SLC4A8: variants seen among roughly 807,000 people sequenced by gnomAD.
SLC4A8 encodes the protein solute carrier family 4 member 8.
Under a neutral mutation model 125.0 loss-of-function variants are expected in SLC4A8, and 40 were observed. The observed-to-expected ratio is 0.32, with a 90% CI of 0.25 to 0.42. The LOEUF (loss-of-function observed/expected upper bound fraction) is 0.42. SLC4A8 is among the 10% of genes least tolerant of loss of function. The pLI is 1.00. For synonymous variants in SLC4A8, 456 were observed against 476.0 expected (o/e 0.96, Z 0.55); for missense variants, 863 against 1,355.1 (o/e 0.64, Z 5.70).
intron 1 of SLC4A8, 89 bp downstream of exon 1, chr12:51,425,124 C>T: frequency 6.8e-7 from 1 of 1,479,156 alleles, no homozygotes. Flanking sequence ...GCCCCCGAGC[C>T]CAGGCTTCCC....
chr12:51,417,507 C>A (rs569433184), intron 1 of SLC4A8, among the ~76,000 whole-genome samples: 12 of 151,834 alleles, frequency 7.9e-5, no homozygotes, highest in African/African-American at 2.9e-4. Flanking sequence ...CCACCATGCC[C>A]AGCTAATTTT....
rs377322606 is a variant in SLC4A8, at chr12:51,494,896, C to A, written c.2770-49C>A. 6 of 1,544,714 alleles carry A rather than the reference C, an allele frequency of 3.9e-6. No homozygotes were observed. The African/African-American group carries it at 6.8e-5, about 18-fold the overall frequency. ...GATATGAATTGGTCTAACAAAGCTT[C>A]TGACCCAGAATGCCCTCCTGAAAAT... is the stretch of plus-strand genomic sequence containing the variant. On this transcript the variant is annotated intron_variant, in intron 20 of 24. Coordinates refer to ENST00000453097, the MANE Select transcript of SLC4A8 (RefSeq NM_001039960.3).
At chr12:51,493,836 G>GGGACAGCTCCCC in intron 20 of SLC4A8, 64 bp downstream of exon 20, 1 of 1,011,096 alleles carries the variant, frequency 9.9e-7, no homozygotes, top group Non-Finnish European at 1.6e-6. Flanking sequence ...TGTCCAGGGA[G>GGGACAGCTCCCC]GGACAGCTCC....
At chr12:51,409,992 C>G (rs767666230) in intron 1 of SLC4A8, among the ~76,000 whole-genome samples, 18 of 152,246 alleles carry the variant, frequency 1.2e-4, no homozygotes, top group Non-Finnish European at 1.5e-5. Context: ...ATAATCGCCC[C>G]TCCAGGGGCC....
At chr12:51,468,902 C>A (rs1234412886) in intron 11 of SLC4A8, among the ~76,000 whole-genome samples, 1 of 152,236 alleles carries the variant, frequency 6.6e-6, no homozygotes, top group Non-Finnish European at 1.5e-5. Context: ...CAAGCACTCT[C>A]ACCTCTAAGT....
chr12:51,450,856 G>T lies in SLC4A8; in HGVS notation c.131-20G>T. 6.2e-7 allele frequency: 1 copy of T among 1,613,168 alleles called. No homozygotes were observed. The highest frequency in any genetic ancestry group is 1.1e-5 in the South Asian group (1 of 90,842). On this transcript the variant is annotated intron_variant, in intron 2 of 24. Coordinates refer to ENST00000453097, the MANE Select transcript of SLC4A8 (RefSeq NM_001039960.3). The stretch of plus-strand genomic sequence containing the variant: ...TAAAACTAAAGGAGTTCTCTCCACA[G>T]ACCTTCTGCTTCTTTCCAGGTCACA...
chr12:51,446,163 A>G (rs980920189), intron 2 of SLC4A8, among the ~76,000 whole-genome samples: 1 of 152,100 alleles, frequency 6.6e-6, no homozygotes, highest in Admixed American at 6.6e-5. Context: ...CTGGCTCTAT[A>G]TTTCTGTTTC....
At chr12:51,505,747 C>G (rs932368911) in intron 23 of SLC4A8, 88 bp from the exon 24 acceptor site, 2 of 549,680 alleles carry the variant, frequency 3.6e-6, no homozygotes, top group Admixed American at 6.4e-5. Context: ...CCCATCTTCT[C>G]CCTTCTATTG....
intron 1 of SLC4A8, among the ~76,000 whole-genome samples, chr12:51,431,482 AT>A (rs1949183559): frequency 6.6e-6 from 1 of 152,208 alleles, no homozygotes; most frequent in East Asian, 1.9e-4. Flanking sequence ...AGCCAGAGCC[AT>A]TTTGGAATTT....
chr12:51,503,589 G>A (rs1168387037), intron 22 of SLC4A8, among the ~76,000 whole-genome samples: 1 of 152,200 alleles, frequency 6.6e-6, no homozygotes, highest in African/African-American at 2.4e-5. Context: ...ATTTGAATTA[G>A]CATCCAAAGA....
rs1460135152 is a variant in SLC4A8 at position 51,513,171 on chromosome 12, G to A, written c.*5733G>A. On this transcript the variant is annotated 3_prime_UTR_variant, in exon 25 of 25. Transcript: ENST00000453097. The stretch of plus-strand genomic sequence containing the variant: ...TAGCCATAACTTTTAGGGAAGGGTA[G>A]GTCTGGAGAGAAGGTGAAGACCAGC... The A allele has an allele frequency of 1.3e-5, 2 of 152,216 alleles. No individual in the cohort carries two copies. The highest frequency in any genetic ancestry group is 2.9e-5 in the Non-Finnish European group (2 of 68,040). 9.4% of individuals were successfully genotyped at this position (152,216 alleles called of 1,614,324 possible).
chr12:51,436,517 TTCTA>T (rs1479171573), intron 1 of SLC4A8, among the ~76,000 whole-genome samples: 1 of 152,208 alleles, frequency 6.6e-6, no homozygotes, highest in Admixed American at 6.5e-5. Flanking sequence ...AAAGTCTAGT[TTCTA>T]TCTTTGTCTC....
At chr12:51,418,838 G>T (rs201534119) in intron 1 of SLC4A8, among the ~76,000 whole-genome samples, 2 of 152,268 alleles carry the variant, frequency 1.3e-5, no homozygotes, top group East Asian at 3.9e-4. Context: ...TTATATCTAT[G>T]TCAGATAATG....
At chr12:51,428,320 CAGGG>C (rs1474516876) in intron 1 of SLC4A8, among the ~76,000 whole-genome samples, 1 of 152,108 alleles carries the variant, frequency 6.6e-6, no homozygotes. Context: ...TTCTTGAGGG[CAGGG>C]GACAAGCAGA....
chr12:51,495,321 A>G (rs1432308999), intron 21 of SLC4A8, among the ~76,000 whole-genome samples: 1 of 152,036 alleles, frequency 6.6e-6, no homozygotes, highest in Admixed American at 6.5e-5. Flanking sequence ...ATTAAACACT[A>G]AATTTCCATT....
rs778015882 is a variant in SLC4A8, at chr12:51,403,215, G to T, written c.-112+11727G>T. ...CAGAAGCACTCCTCGCTACCGCCGG[G>T]GAGACCCAGGATACCTAAACTTTAC... On this transcript the variant is annotated intron_variant, in intron 1 of 24. Transcript: ENST00000358657. 8.8e-5 allele frequency: 40 copies of T among 456,852 alleles called. No homozygotes were observed. In the Middle Eastern group the frequency reaches 1.3e-3, roughly 15 times the overall value. The allele number at this position is 456,852 out of a possible 1,614,324, so 28.3% of individuals were successfully genotyped here. A position where few individuals can be genotyped will look rare whatever the true frequency, so the allele number is the denominator to read the frequency against.
At chr12:51,471,806 A>G (rs1950708623) in intron 14 of SLC4A8, among the ~76,000 whole-genome samples, 1 of 152,220 alleles carries the variant, frequency 6.6e-6, no homozygotes. Context: ...TGAAACAAAA[A>G]TGGGCTGCAA....
intron 1 of SLC4A8, among the ~76,000 whole-genome samples, chr12:51,438,337 A>G (rs1193563303): frequency 6.6e-6 from 1 of 152,012 alleles, no homozygotes; most frequent in Non-Finnish European, 1.5e-5. Flanking sequence ...CTTCTCTGAG[A>G]TCAACTTTTT....
chr12:51,453,731 T>G (rs1212845585), intron 5 of SLC4A8, 32 bp downstream of exon 5: 1 of 1,592,692 alleles, frequency 6.3e-7, no homozygotes, highest in East Asian at 2.2e-5. Context: ...CAGAGCAACT[T>G]TCTTATAAAT....
Sources: allele counts gnomAD v4.1 joint callset (sites outside exome capture counted in the v4.1 genomes callset), GRCh38; gene constraint gnomAD v4.1.1; transcripts MANE v1.5; gene names NCBI Gene and HGNC (gene_info 2026-07-23, HGNC 2026-07-21).